The following PARP16 variants were observed in gnomAD, a reference collection of about 807,000 sequenced individuals.
The protein encoded by PARP16 is protein mono-ADP-ribosyltransferase PARP16.
In PARP16, 31 loss-of-function variants were observed where a neutral mutation model predicts 35.0. The ratio of observed to expected loss-of-function variants is 0.88; its 90% CI spans 0.66 to 1.19. The LOEUF (loss-of-function observed/expected upper bound fraction) is 1.19, where lower values mean the gene tolerates loss of function less well. PARP16 is among the 50% of genes most tolerant of loss of function. The pLI, the probability that PARP16 is intolerant of heterozygous loss-of-function variation, is 0.00. For synonymous variants in PARP16, 162 were observed against 169.5 expected (o/e 0.96, Z 0.34); for missense variants, 424 against 411.2 (o/e 1.03, Z -0.27).
At chr15:65,278,346 C>A (rs1490754761) in intron 1 of PARP16, among the ~76,000 whole-genome samples, 3 of 152,204 alleles carry the variant, frequency 2.0e-5, no homozygotes, top group African/African-American at 7.2e-5. Context: ...TTTTTAATTT[C>A]CCAGTTTCCG....
intron 1 of PARP16, among the ~76,000 whole-genome samples, chr15:65,273,343 A>T (rs954366120): frequency 5.4e-5 from 8 of 148,918 alleles, no homozygotes; most frequent in African/African-American, 2.0e-4. Context: ...ACTATTACTG[A>T]CTTTGGGAGT....
intron 3 of PARP16, among the ~76,000 whole-genome samples, chr15:65,237,825 T>C (rs1362774562): frequency 6.6e-6 from 1 of 152,226 alleles, no homozygotes; most frequent in African/African-American, 2.4e-5. Flanking sequence ...AGGAAATTAA[T>C]GCAGTTGGGT....
At position 65,239,645 on chromosome 15, in the gene PARP16, G is replaced by A. The variant is rs1428975607; in HGVS notation, c.*98-4822C>T. On this transcript the variant is annotated intron_variant and NMD_transcript_variant, in intron 3 of 3. Transcript: ENST00000559805. ...TCTGAATTTTATGTGATAGAAAATA[G>A]TATGTAATTTTTTCTTTTTTTTTTT... is the stretch of plus-strand genomic sequence containing the variant. Among the ~76,000 whole-genome samples, 9 of 137,438 alleles carry A rather than the reference G, an allele frequency of 6.5e-5. No homozygotes were observed. The East Asian group carries it at 1.6e-3, about 24-fold the overall frequency. The allele number at this position is 137,438 out of a possible 152,430, so 90.2% of individuals were successfully genotyped here.
At chr15:65,248,488 T>C (rs1561889) in intron 2 of PARP16, among the ~76,000 whole-genome samples, 108,496 of 151,798 alleles carry the variant, frequency 0.71, 39,730 homozygotes, top group East Asian at 0.99. Context: ...CATGGGCTTA[T>C]ACAGATGTGA....
At position 65,260,974 on chromosome 15, in the gene PARP16, T is replaced by TCCC; in HGVS notation, c.741_743dup (p.Gly248dup). 4 of 1,613,512 alleles carry TCCC rather than the reference T, an allele frequency of 2.5e-6. No individual in the cohort carries two copies. The highest frequency in any genetic ancestry group is 3.4e-6 in the Non-Finnish European group (4 of 1,179,526). ...CCACGAAGTACTTGGGAGGGATGTCTCCCCCTTCACTATGTTTGATTCTCG... is the reference window on the plus strand; with the variant it reads ...CCACGAAGTACTTGGGAGGGATGTCTCCCCCCCCTTCACTATGTTTGATTCTCG... On this transcript the variant is annotated inframe_insertion, in exon 5 of 6. Transcript: ENST00000649807.
chr15:65,271,109 C>T lies in PARP16; in HGVS notation c.175-37G>A, dbSNP rs368344644. 1.3e-5 allele frequency: 21 copies of T among 1,612,024 alleles called. No individual in the cohort carries two copies. The East Asian group carries it at 2.2e-4, about 17-fold the overall frequency. Reference sequence around the variant, plus strand: ...GAAGAACTTCCATTAGCAAGGATCCCGGACACAGTGATAATCAGGGGCCCT... The same window carrying T: ...GAAGAACTTCCATTAGCAAGGATCCTGGACACAGTGATAATCAGGGGCCCT... On this transcript the variant is annotated intron_variant, in intron 1 of 5. Coordinates refer to ENST00000649807, the MANE Select transcript of PARP16 (RefSeq NM_001316943.2).
intron 1 of PARP16, among the ~76,000 whole-genome samples, chr15:65,281,222 G>A (rs1197413096): frequency 2.0e-5 from 3 of 152,232 alleles, no homozygotes; most frequent in Non-Finnish European, 1.5e-5. Context: ...CAATGGTTAA[G>A]GGGTACAGGG....
At chr15:65,276,392 G>A (rs1019250490) in intron 1 of PARP16, among the ~76,000 whole-genome samples, 1 of 151,896 alleles carries the variant, frequency 6.6e-6, no homozygotes, top group Non-Finnish European at 1.5e-5. Context: ...TTTTAAAGAC[G>A]GGATGGGGTC....
chr15:65,285,222 C>T (rs1000550474), intron 1 of PARP16, among the ~76,000 whole-genome samples: 3 of 151,766 alleles, frequency 2.0e-5, no homozygotes, highest in African/African-American at 7.3e-5. Flanking sequence ...ACCACAACGT[C>T]CGCCTCCCGG....
intron 1 of PARP16, among the ~76,000 whole-genome samples, chr15:65,284,643 G>GT (rs372310087): frequency 7.4e-4 from 112 of 150,854 alleles, no homozygotes; most frequent in African/African-American, 2.6e-3. Context: ...TTCTTTTTTT[G>GT]TATCACCCTT....
chr15:65,234,192 T>C (rs2088822131), downstream of PARP16, among the ~76,000 whole-genome samples: 1 of 152,186 alleles, frequency 6.6e-6, no homozygotes, highest in South Asian at 2.1e-4. Flanking sequence ...TTGCCCAGGT[T>C]GGTCTTGAAC....
Position 65,263,282 on chromosome 15 carries a change from G to A in PARP16, c.558C>T (p.Asp186=), listed in dbSNP as rs779847799. Residue 186 remains aspartate, a synonymous_variant, in exon 4 of 6, where the codon GAC becomes GAT. Coordinates refer to ENST00000649807, the MANE Select transcript of PARP16 (RefSeq NM_001316943.2). ...GGCTGTATATGAGGGCCAGGCTCAA[G>A]TCACTGGTGAGGTAGGTCCCCTCTC... ...LFGEGTYLTS[D]LSLALIYSPH... is the part of the protein sequence containing the mutation. 60 of 1,610,416 alleles carry A rather than the reference G, an allele frequency of 3.7e-5. No individual in the cohort carries two copies. The highest frequency in any genetic ancestry group is 1.1e-5 in the Non-Finnish European group (13 of 1,178,102).
At chr15:65,278,046 A>G (rs922932034) in intron 1 of PARP16, among the ~76,000 whole-genome samples, 13 of 152,108 alleles carry the variant, frequency 8.5e-5, no homozygotes, top group African/African-American at 3.1e-4. Flanking sequence ...AGGGTTTCCC[A>G]CTCCAGGTGG....
rs142616136 is a variant in PARP16 at position 65,258,639 on chromosome 15, A to C, written c.*768T>G. On this transcript the variant is annotated 3_prime_UTR_variant, in exon 6 of 6. Coordinates refer to ENST00000649807, the MANE Select transcript of PARP16 (RefSeq NM_001316943.2). ...TTCCCCTTTTACTCAGCAAAGACTA[A>C]TTTGTTAAACAGCTATTAAAAAAAA... is the stretch of plus-strand genomic sequence containing the variant. 1 of 152,776 alleles carries C rather than the reference A, an allele frequency of 6.5e-6. No homozygotes were observed. Among genetic ancestry groups the C allele is most frequent in the African/African-American group, 2.4e-5 (1 of 41,582 alleles). The allele number at this position is 152,776 out of a possible 1,614,324, so 9.5% of individuals were successfully genotyped here.
chr15:65,270,159 A>C (rs921219700), intron 2 of PARP16, among the ~76,000 whole-genome samples: 4 of 152,262 alleles, frequency 2.6e-5, no homozygotes, highest in Non-Finnish European at 5.9e-5. Flanking sequence ...AGTGATGAAC[A>C]GTATGGGTAA....
At chr15:65,262,999 G>C in intron 4 of PARP16, 150 bp downstream of exon 4, 1 of 673,608 alleles carries the variant, frequency 1.5e-6, no homozygotes, top group Non-Finnish European at 2.6e-6. Flanking sequence ...AAGACTGCTC[G>C]CTCCTTGGGC....
downstream of PARP16, among the ~76,000 whole-genome samples, chr15:65,253,277 AC>A (rs1420586239): frequency 6.6e-6 from 1 of 151,486 alleles, no homozygotes; most frequent in Non-Finnish European, 1.5e-5. Flanking sequence ...CTTCTTTGAA[AC>A]CCCCACTCAT....
downstream of PARP16, among the ~76,000 whole-genome samples, chr15:65,255,339 G>GA (rs1001051088): frequency 3.3e-5 from 5 of 151,902 alleles, no homozygotes; most frequent in Admixed American, 3.3e-4. Flanking sequence ...AAAATTAGAA[G>GA]AAAAAAACTT....
rs901134657 is a variant in PARP16 at position 65,259,082 on chromosome 15, A to T, written c.*325T>A. ...GAGAGATTGTAAACACACCACTGACAGCTTGGACACTTTGTTTTTAAATGC... is the reference window on the plus strand; with the variant it reads ...GAGAGATTGTAAACACACCACTGACTGCTTGGACACTTTGTTTTTAAATGC... On this transcript the variant is annotated 3_prime_UTR_variant, in exon 6 of 6. Coordinates refer to ENST00000649807, the MANE Select transcript of PARP16 (RefSeq NM_001316943.2). The T allele has an allele frequency of 1.4e-5, 3 of 212,526 alleles. No homozygotes were observed. The highest frequency in any genetic ancestry group is 2.9e-5 in the Non-Finnish European group (3 of 105,254). The allele number at this position is 212,526 out of a possible 1,614,324, so 13.2% of individuals were successfully genotyped here. A position where few individuals can be genotyped will look rare whatever the true frequency, so the allele number is the denominator to read the frequency against.
Sources: gnomAD v4.1 joint callset for allele counts (sites outside exome capture counted in the v4.1 genomes callset) on GRCh38, gnomAD v4.1.1 for gene constraint, MANE v1.5 for transcripts, NCBI Gene and HGNC (gene_info 2026-07-23, HGNC 2026-07-21) for gene names.